The following BCAT1 variants were observed in gnomAD, a reference collection of about 807,000 sequenced individuals.
BCAT1 encodes branched chain amino acid transaminase 1.
In BCAT1, 48 loss-of-function variants were observed where a neutral mutation model predicts 52.4. That is an observed-to-expected ratio of 0.92 (90% CI 0.73 to 1.16). The LOEUF is 1.16. BCAT1 is among the 50% of genes most tolerant of loss of function. BCAT1 has a pLI of 0.00. For synonymous variants in BCAT1, 167 were observed against 161.3 expected, an observed-to-expected ratio of 1.04 and a Z score of -0.27; for missense variants, 451 against 457.1, an observed-to-expected ratio of 0.99 and a Z score of 0.12.
intron 6 of BCAT1, among the ~76,000 whole-genome samples, chr12:24,843,973 C>T (rs932819372): frequency 4.6e-5 from 7 of 152,158 alleles, no homozygotes; most frequent in East Asian, 1.9e-4. Context: ...CAGAAGAAAG[C>T]GGCTGAAGTG....
intron 3 of BCAT1, among the ~76,000 whole-genome samples, chr12:24,882,073 A>C (rs1358585829): frequency 6.6e-6 from 1 of 152,230 alleles, no homozygotes; most frequent in African/African-American, 2.4e-5. Flanking sequence ...CAGCTTCTCT[A>C]AGTAATTTAT....
chr12:24,902,565 T>C (rs2139683017), intron 1 of BCAT1: 1 of 484,888 alleles, frequency 2.1e-6, no homozygotes, highest in East Asian at 6.3e-5. Context: ...GGTCAAAATA[T>C]TTTGGGGTGG....
chr12:24,863,987 G>T (rs752170590), intron 5 of BCAT1, among the ~76,000 whole-genome samples: 37 of 152,000 alleles, frequency 2.4e-4, no homozygotes, highest in Non-Finnish European at 4.4e-4. Flanking sequence ...TCCAAATCAG[G>T]AGTCGACAAA....
chr12:24,880,851 T>TA (rs11394415), intron 4 of BCAT1, among the ~76,000 whole-genome samples: 2 of 102,340 alleles, frequency 2.0e-5, no homozygotes, highest in African/African-American at 8.1e-5. Context: ...TTTGTTTTTT[T>TA]TTTTTACAGA....
chr12:24,873,395 A>C (rs529526830), intron 5 of BCAT1, among the ~76,000 whole-genome samples: 1 of 152,278 alleles, frequency 6.6e-6, no homozygotes, highest in East Asian at 1.9e-4. Context: ...AATATGAGAA[A>C]TCTTTTGGTA....
intron 5 of BCAT1, among the ~76,000 whole-genome samples, chr12:24,854,330 G>A (rs1941601603): frequency 6.6e-6 from 1 of 152,140 alleles, no homozygotes; most frequent in African/African-American, 2.4e-5. Context: ...GCAGATGAGA[G>A]GCAGAAGAAA....
intron 1 of BCAT1, among the ~76,000 whole-genome samples, chr12:24,940,395 G>A (rs927845729): frequency 1.3e-5 from 2 of 152,130 alleles, no homozygotes; most frequent in African/African-American, 4.8e-5. Context: ...TCAAAAGGAG[G>A]GAAGGTGCCA....
At chr12:24,835,443 C>T (rs1005008953) in intron 8 of BCAT1, among the ~76,000 whole-genome samples, 1 of 152,164 alleles carries the variant, frequency 6.6e-6, no homozygotes, top group Non-Finnish European at 1.5e-5. Context: ...CATTTTAACA[C>T]CTGGGTCAAA....
chr12:24,835,308 T>A (rs1940869563), intron 8 of BCAT1, among the ~76,000 whole-genome samples: 1 of 152,216 alleles, frequency 6.6e-6, no homozygotes. Context: ...ATTTTGAAAG[T>A]CTTTTCCAGA....
chr12:24,927,960 T>C (rs1943617875), intron 1 of BCAT1, among the ~76,000 whole-genome samples: 1 of 152,242 alleles, frequency 6.6e-6, no homozygotes. Context: ...AAAATCTTGC[T>C]GCAAGTACTT....
At chr12:24,883,016 A>G (rs1446174184) in intron 3 of BCAT1, among the ~76,000 whole-genome samples, 1 of 151,732 alleles carries the variant, frequency 6.6e-6, no homozygotes, top group Non-Finnish European at 1.5e-5. Flanking sequence ...GCTGGGTGTG[A>G]TGGCTCACGT....
chr12:24,870,118 G>A (rs917838292), intron 5 of BCAT1, among the ~76,000 whole-genome samples: 3 of 151,984 alleles, frequency 2.0e-5, no homozygotes, highest in Admixed American at 6.6e-5. Context: ...GTGTGAGAGT[G>A]AAAAGGAAAC....
Position 24,878,560 on chromosome 12 carries a change from C to G in BCAT1, c.480G>C (p.Leu160=), listed in dbSNP as rs752843899. Residue 160 remains leucine (L), a synonymous_variant, in exon 5 of 11, where the codon CTG becomes CTC. Coordinates refer to ENST00000261192, the MANE Select transcript of BCAT1 (RefSeq NM_005504.7). ...EWVPYSTSAS[L]YIRPTFIGTE... ...TTCCAATGAATGTAGGACGAATATA[C>G]AGACTAGCAGATGTTGAATATGGGA... 4 of 1,611,772 alleles carry G rather than the reference C, an allele frequency of 2.5e-6. No individual in the cohort carries two copies. The South Asian group carries it at 4.4e-5, about 18-fold the overall frequency.
chr12:24,842,638 G>T (rs189687114), intron 6 of BCAT1, among the ~76,000 whole-genome samples: 1 of 152,216 alleles, frequency 6.6e-6, no homozygotes, highest in Non-Finnish European at 1.5e-5. Context: ...AGAAACTAAG[G>T]TTTAGAGAAG....
chr12:24,887,066 A>AT (rs1459886482), intron 3 of BCAT1, among the ~76,000 whole-genome samples: 2,226 of 77,518 alleles, frequency 0.029, 53 homozygotes, highest in Non-Finnish European at 0.036. Context: ...CTAGCTAAAA[A>AT]AAAAAAAAAA....
intron 5 of BCAT1, among the ~76,000 whole-genome samples, chr12:24,877,994 A>G: frequency 6.6e-6 from 1 of 152,112 alleles, no homozygotes. Flanking sequence ...TCTCTACAAA[A>G]AATTTAAAAA....
chr12:24,928,082 G>T (rs1943620264), intron 1 of BCAT1, among the ~76,000 whole-genome samples: 1 of 152,176 alleles, frequency 6.6e-6, no homozygotes, highest in Non-Finnish European at 1.5e-5. Flanking sequence ...GTTAACATCT[G>T]TAAAAGAAAA....
intron 2 of BCAT1, 24 bp from the exon 3 acceptor site, chr12:24,894,499 T>G (rs1418695326): frequency 6.4e-7 from 1 of 1,553,438 alleles, no homozygotes; most frequent in African/African-American, 1.4e-5. Context: ...ATCATCACTA[T>G]TTACAGAAAA....
chr12:24,824,885 G>GT lies in BCAT1; in HGVS notation c.1119+4937dup, dbSNP rs1433590657. 6.6e-5 allele frequency among the ~76,000 whole-genome samples: 10 copies of GT among 151,860 alleles called. No homozygotes were observed. In the South Asian group the frequency reaches 2.1e-3, roughly 32 times the overall value. Reference sequence around the variant, plus strand: ...TGGTAATAAATACATTTATATTCTTGTTTTTTTCCTTTATCCTCTACTTCC... The same window carrying GT: ...TGGTAATAAATACATTTATATTCTTGTTTTTTTTCCTTTATCCTCTACTTCC... On this transcript the variant is annotated intron_variant, in intron 10 of 10. Transcript: ENST00000261192.
Sources: allele counts gnomAD v4.1 joint callset (sites outside exome capture counted in the v4.1 genomes callset), GRCh38; gene constraint gnomAD v4.1.1; transcripts MANE v1.5; gene names NCBI Gene and HGNC (gene_info 2026-07-23, HGNC 2026-07-21).